Variants in TRIM65 observed in about 807,000 individuals in gnomAD.
TRIM65 encodes the protein tripartite motif containing 65.
TRIM65 carries 46 observed loss-of-function variants against 36.1 expected under a neutral mutation model. The ratio of observed to expected loss-of-function variants is 1.27; its 90% CI spans 1.01 to 1.63. The LOEUF (loss-of-function observed/expected upper bound fraction) is 1.63. TRIM65 is among the 40% of genes most tolerant of loss of function. The pLI, the probability that TRIM65 is intolerant of heterozygous loss-of-function variation, is 0.00. For synonymous variants in TRIM65, 346 were observed against 313.6 expected (o/e 1.10, Z -1.09); for missense variants, 708 against 696.6 (o/e 1.02, Z -0.18).
intron 4 of TRIM65, among the ~76,000 whole-genome samples, chr17:75,883,444 GTTTTA>G (rs1270360422): frequency 6.8e-6 from 1 of 148,078 alleles, no homozygotes; most frequent in East Asian, 2.0e-4. Context: ...GTACTTTTTT[GTTTTA>G]TTTTGTTTTT....
rs754072178 is a variant in TRIM65, at chr17:75,892,083, GC to G, written c.846del (p.Leu283CysfsTer21). On this transcript the variant is annotated frameshift_variant, in exon 4 of 6. Transcript: ENST00000269383. LOFTEE classifies it high-confidence loss of function. Reference sequence around the variant, plus strand: ...CCCTCTTCCAAGAGGAGGCCACACAGCCGGCTTAGCAACTGCTTCAGGTCAC... The same window carrying G: ...CCCTCTTCCAAGAGGAGGCCACACAGCGGCTTAGCAACTGCTTCAGGTCAC... ...QLGDLKQLLS[R>X]LCGLLLEEGS... 2.1e-5 allele frequency: 32 copies of G among 1,552,510 alleles called. 1 individual carries two copies. In the Middle Eastern group the frequency reaches 1.2e-3, roughly 57 times the overall value.
At chr17:75,884,887 T>C (rs2065195363), downstream of TRIM65, among the ~76,000 whole-genome samples, 1 of 151,558 alleles carries the variant, frequency 6.6e-6, no homozygotes, top group African/African-American at 2.4e-5. Context: ...CATCACAGCC[T>C]CCCAAAGTGT....
chr17:75,888,352 CAAA>C (rs1251206237), downstream of TRIM65, among the ~76,000 whole-genome samples: 1 of 91,098 alleles, frequency 1.1e-5, no homozygotes, highest in Non-Finnish European at 2.3e-5. Flanking sequence ...GACTCTGTCT[CAAA>C]AAAAAAAAAG....
Position 75,892,857 on chromosome 17 carries a change from T to C in TRIM65, c.415-7A>G, listed in dbSNP as rs771945368. The C allele has an allele frequency of 6.2e-7, 1 of 1,600,496 alleles. No individual in the cohort carries two copies. The highest frequency in any genetic ancestry group is 8.5e-7 in the Non-Finnish European group (1 of 1,179,242). On this transcript the variant is annotated splice_region_variant and splice_polypyrimidine_tract_variant and intron_variant, in intron 1 of 5. Coordinates refer to ENST00000269383, the MANE Select transcript of TRIM65 (RefSeq NM_173547.4). ...GGCTGGCTCTCAGCTGGGCCTGTGGTGCGGGCCCACGGGACAAGCAACAAG... is the reference window on the plus strand; with the variant it reads ...GGCTGGCTCTCAGCTGGGCCTGTGGCGCGGGCCCACGGGACAAGCAACAAG...
chr17:75,891,033 C>G lies in TRIM65; in HGVS notation c.1300G>C (p.Ala434Pro), dbSNP rs1212965345. Residue 434 changes from alanine (A) to proline (P), a missense_variant, in exon 6 of 6, where the codon GCC (alanine) becomes CCC (proline). Coordinates refer to ENST00000269383, the MANE Select transcript of TRIM65 (RefSeq NM_173547.4). ...CGCTGGGCTTCCCCGTTGTGCCAGG[C>G]CTGGAGGCTGTCCTCCTGGACGCAG... Reference protein sequence around the residue: ...GLCVQEDSLQAWHNGEAQRLP... With the variant: ...GLCVQEDSLQPWHNGEAQRLP... The G allele has an allele frequency of 6.2e-7, 1 of 1,611,466 alleles. No individual in the cohort carries two copies. Among genetic ancestry groups the G allele is most frequent in the Non-Finnish European group, 8.5e-7 (1 of 1,179,096 alleles).
Position 75,896,919 on chromosome 17 carries a change from CCAGCA to C in TRIM65, c.14_18del (p.Leu5ArgfsTer237). On this transcript the variant is annotated frameshift_variant, in exon 1 of 6. Transcript: ENST00000269383. LOFTEE classifies it high-confidence loss of function. ...CAGATGGCGCAGGTCAGCTTCTCCT[CCAGCA>C]GCTGCGCGGCCATGGCCCGGCGGCG... The C allele has an allele frequency of 6.6e-7, 1 of 1,504,524 alleles. No homozygotes were observed. The highest frequency in any genetic ancestry group is 1.8e-4 in the Middle Eastern group (1 of 5,674). The allele number at this position is 1,504,524 out of a possible 1,614,324, so 93.2% of individuals were successfully genotyped here.
downstream of TRIM65, among the ~76,000 whole-genome samples, chr17:75,887,614 T>G (rs2144025241): frequency 7.0e-6 from 1 of 142,996 alleles, no homozygotes; most frequent in African/African-American, 2.7e-5. Context: ...ACCACCGCAC[T>G]CTAGCCTGGG....
chr17:75,887,810 A>C (rs1024961528), downstream of TRIM65, among the ~76,000 whole-genome samples: 1 of 152,138 alleles, frequency 6.6e-6, no homozygotes, highest in Non-Finnish European at 1.5e-5. Context: ...TCACGAGGTC[A>C]AGAGTTTGAG....
downstream of TRIM65, among the ~76,000 whole-genome samples, chr17:75,886,430 G>A (rs953580773): frequency 6.6e-6 from 1 of 150,540 alleles, no homozygotes; most frequent in African/African-American, 2.4e-5. Flanking sequence ...GCTGAGGCAG[G>A]AGAATGGCGT....
At chr17:75,882,711 A>G (rs755245324) in intron 4 of TRIM65, among the ~76,000 whole-genome samples, 4 of 150,836 alleles carry the variant, frequency 2.7e-5, no homozygotes, top group Admixed American at 6.6e-5. Flanking sequence ...GATAGGTACC[A>G]TGTCTTGCCA....
intron 1 of TRIM65, among the ~76,000 whole-genome samples, chr17:75,894,775 G>A (rs754531523): frequency 1.3e-5 from 2 of 152,196 alleles, no homozygotes; most frequent in South Asian, 2.1e-4. Flanking sequence ...GTGATCCACC[G>A]GCCTCCGCCT....
intron 4 of TRIM65, among the ~76,000 whole-genome samples, chr17:75,881,856 C>A (rs1384255663): frequency 6.6e-6 from 1 of 150,466 alleles, no homozygotes; most frequent in Non-Finnish European, 1.5e-5. Context: ...AGGGAGCCGG[C>A]CTGGGTGTGT....
intron 4 of TRIM65, among the ~76,000 whole-genome samples, chr17:75,883,807 G>A (rs990486968): frequency 9.2e-5 from 14 of 152,090 alleles, no homozygotes; most frequent in African/African-American, 3.1e-4. Flanking sequence ...GATTACAGGC[G>A]TGAGCCACCG....
intron 4 of TRIM65, among the ~76,000 whole-genome samples, chr17:75,883,407 G>GT (rs1226092532): frequency 6.6e-6 from 1 of 151,984 alleles, no homozygotes; most frequent in Non-Finnish European, 1.5e-5. Context: ...AAGAGCCACG[G>GT]TGCCTAGCCT....
Position 75,880,810 on chromosome 17 carries a change from G to C in TRIM65, c.350-181C>G, listed in dbSNP as rs540651703. Among the ~76,000 whole-genome samples, 26 of 150,410 alleles carry C rather than the reference G, an allele frequency of 1.7e-4. 2 individuals are homozygous for C. The highest frequency in any genetic ancestry group is 6.3e-4 in the African/African-American group (25 of 39,852). On this transcript the variant is annotated intron_variant, in intron 4 of 4. Coordinates refer to the TRIM65 transcript ENST00000591668. ...CAAACCCTTGTCCACCTCTCCCACC[G>C]GGTCTGCATTCCTGCCTCTGTTTCC...
rs2065241637 is a variant in TRIM65, at chr17:75,889,744, T to G, written c.*1035A>C. ...TGTTCCCTGAGTGACTCACTTGAGG[T>G]AACAGCCTACATACATGACCATAAA... is the stretch of plus-strand genomic sequence containing the variant. On this transcript the variant is annotated 3_prime_UTR_variant, in exon 6 of 6. Transcript: ENST00000269383. 1 of 152,154 alleles carries G rather than the reference T, an allele frequency of 6.6e-6. No individual in the cohort carries two copies. The highest frequency in any genetic ancestry group is 1.5e-5 in the Non-Finnish European group (1 of 68,016). The allele number at this position is 152,154 out of a possible 1,614,324, so 9.4% of individuals were successfully genotyped here.
chr17:75,892,692 G>T, intron 2 of TRIM65, 63 bp downstream of exon 2: 1 of 1,486,342 alleles, frequency 6.7e-7, no homozygotes, highest in Non-Finnish European at 9.2e-7. Flanking sequence ...CCAGGGACCA[G>T]CTGGTGGCCG....
At chr17:75,881,427 A>C (rs751755025) in intron 4 of TRIM65, among the ~76,000 whole-genome samples, 2 of 150,080 alleles carry the variant, frequency 1.3e-5, no homozygotes, top group African/African-American at 2.5e-5. Flanking sequence ...GGAGGCTGGA[A>C]GTCTGCGATC....
downstream of TRIM65, among the ~76,000 whole-genome samples, chr17:75,884,587 C>G (rs1412487571): frequency 6.6e-6 from 1 of 152,204 alleles, no homozygotes; most frequent in Non-Finnish European, 1.5e-5. Context: ...CTCCACATCT[C>G]TAAGCCGTTT....
Sources: gnomAD v4.1 joint callset for allele counts (sites outside exome capture counted in the v4.1 genomes callset) on GRCh38, gnomAD v4.1.1 for gene constraint, MANE v1.5 for transcripts, NCBI Gene and HGNC (gene_info 2026-07-23, HGNC 2026-07-21) for gene names.